Variants in MYO1D observed in about 807,000 individuals in gnomAD.
MYO1D encodes the protein myosin ID.
A neutral mutation model predicts 122.0 loss-of-function variants in MYO1D; 83 were observed. The ratio of observed to expected loss-of-function variants is 0.68; its 90% CI spans 0.57 to 0.82. The LOEUF is 0.82. Among genes scored for constraint, MYO1D ranks in the 40% least tolerant of loss-of-function variants. The pLI is 0.00. For synonymous variants in MYO1D, 464 were observed against 446.9 expected, an observed-to-expected ratio of 1.04 and a Z score of -0.48; for missense variants, 1,157 against 1,269.5, an observed-to-expected ratio of 0.91 and a Z score of 1.35.
At chr17:32,647,591 T>C (rs567994873) in intron 19 of MYO1D, among the ~76,000 whole-genome samples, 1 of 152,286 alleles carries the variant, frequency 6.6e-6, no homozygotes, top group East Asian at 1.9e-4. Context: ...ATTTTCCAGC[T>C]GCTTGATACT....
intron 16 of MYO1D, among the ~76,000 whole-genome samples, chr17:32,672,260 C>G (rs181472108): frequency 6.6e-6 from 1 of 152,152 alleles, no homozygotes; most frequent in Admixed American, 6.5e-5. Flanking sequence ...TGTATCTTAG[C>G]TCTGTCTGGC....
At chr17:32,813,922 A>G (rs1239000158) in intron 1 of MYO1D, among the ~76,000 whole-genome samples, 3 of 152,230 alleles carry the variant, frequency 2.0e-5, no homozygotes, top group African/African-American at 7.2e-5. Flanking sequence ...TGAATCAAGA[A>G]TAACTAGATT....
chr17:32,764,907 C>A lies in MYO1D; in HGVS notation c.1006G>T (p.Ala336Ser). ...GCAAAGGCGTCTCTGCCGTAGCTGGCCTCTTGTTCTGTGTGCTGCTTGTCA... is the reference window on the plus strand; with the variant it reads ...GCAAAGGCGTCTCTGCCGTAGCTGGACTCTTGTTCTGTGTGCTGCTTGTCA... Reference protein sequence around the residue: ...IIDKQHTEQEASYGRDAFAKA... With the variant: ...IIDKQHTEQESSYGRDAFAKA... Residue 336 changes from alanine to serine, a missense_variant, in exon 8 of 22, where the codon GCC becomes TCC. Ala to Ser is a moderately conservative substitution (Grantham distance 99, BLOSUM62 1). Transcript: ENST00000318217. The A allele has an allele frequency of 6.2e-7, 1 of 1,614,186 alleles. No individual in the cohort carries two copies. The highest frequency in any genetic ancestry group is 8.5e-7 in the Non-Finnish European group (1 of 1,180,030).
At chr17:32,684,673 C>T (rs1481957451) in intron 16 of MYO1D, among the ~76,000 whole-genome samples, 2 of 152,104 alleles carry the variant, frequency 1.3e-5, no homozygotes, top group Non-Finnish European at 2.9e-5. Flanking sequence ...AACTATGAAA[C>T]ATTCAAGGAA....
At chr17:32,510,928 T>A (rs1205570256) in intron 21 of MYO1D, 1 of 138,864 alleles carries the variant, frequency 7.2e-6, no homozygotes. Context: ...AGAACAAAAC[T>A]ATACCCACAG....
intron 2 of MYO1D, 34 bp downstream of exon 2, chr17:32,780,542 G>T: frequency 6.3e-7 from 1 of 1,594,434 alleles, no homozygotes; most frequent in South Asian, 1.1e-5. Flanking sequence ...AACACATTGT[G>T]ACTTTGGAAA....
intron 21 of MYO1D, among the ~76,000 whole-genome samples, chr17:32,567,038 C>A (rs763734487): frequency 2.0e-5 from 3 of 151,308 alleles, no homozygotes; most frequent in African/African-American, 7.3e-5. Context: ...GCAGATGATG[C>A]GGCTGCAGGC....
At chr17:32,568,440 C>T (rs936868414) in intron 21 of MYO1D, among the ~76,000 whole-genome samples, 10 of 152,200 alleles carry the variant, frequency 6.6e-5, no homozygotes, top group African/African-American at 2.4e-4. Flanking sequence ...CCTTTGCAAA[C>T]TGTTTTTCTC....
chr17:32,523,975 A>G (rs1010144829), intron 21 of MYO1D, among the ~76,000 whole-genome samples: 3 of 152,210 alleles, frequency 2.0e-5, no homozygotes, highest in African/African-American at 7.2e-5. Context: ...GTGAAGATCA[A>G]AAGATAATGA....
intron 21 of MYO1D, among the ~76,000 whole-genome samples, chr17:32,591,705 C>T (rs1462866776): frequency 1.3e-5 from 2 of 151,926 alleles, no homozygotes; most frequent in East Asian, 3.8e-4. Context: ...ATGGCATCAG[C>T]AAATTGGCCA....
chr17:32,832,696 A>G (rs2090783922), intron 1 of MYO1D, among the ~76,000 whole-genome samples: 1 of 152,238 alleles, frequency 6.6e-6, no homozygotes, highest in South Asian at 2.1e-4. Context: ...GTTCTGAGTA[A>G]AAGCAGCTGC....
intron 20 of MYO1D, among the ~76,000 whole-genome samples, chr17:32,630,561 T>C (rs2087990454): frequency 1.3e-5 from 2 of 152,126 alleles, no homozygotes; most frequent in South Asian, 4.1e-4. Context: ...AATTAAGATG[T>C]TGGTAGAGTT....
chr17:32,548,332 G>T (rs73276353), intron 21 of MYO1D, among the ~76,000 whole-genome samples: 1 of 152,040 alleles, frequency 6.6e-6, no homozygotes, highest in African/African-American at 2.4e-5. Flanking sequence ...GGAGGCTGAG[G>T]TGGGAGAATG....
intron 1 of MYO1D, among the ~76,000 whole-genome samples, chr17:32,846,712 A>C (rs1198833186): frequency 6.6e-6 from 1 of 152,196 alleles, no homozygotes; most frequent in African/African-American, 2.4e-5. Flanking sequence ...AGGAGTGATA[A>C]CTGATGCCTG....
At position 32,534,629 on chromosome 17, in the gene MYO1D, A is replaced by G. The variant is rs572341146; in HGVS notation, c.2865-39714T>C. Among the ~76,000 whole-genome samples, 20 of 152,342 alleles carry G rather than the reference A, an allele frequency of 1.3e-4. No homozygotes were observed. In the South Asian group the frequency reaches 3.9e-3, roughly 30 times the overall value. On this transcript the variant is annotated intron_variant, in intron 21 of 21. Coordinates refer to ENST00000318217, the MANE Select transcript of MYO1D (RefSeq NM_015194.3). ...ATCTAGAGGCTTATCAGTGAGTCCT[A>G]TAATAATCTGTTGCAAAGGGCGAAG...
Position 32,659,230 on chromosome 17 carries a change from C to T in MYO1D, c.2230G>A (p.Ala744Thr). 6.2e-7 allele frequency: 1 copy of T among 1,614,212 alleles called. No homozygotes were observed. The highest frequency in any genetic ancestry group is 8.5e-7 in the Non-Finnish European group (1 of 1,180,030). ...GTCTTGACGCCATGGAAGCGTCTGG[C>T]CACCTCGTGGATGTACGACTTCACT... ...YKVKSYIHEV[A>T]RRFHGVKTMR... Residue 744 changes from alanine to threonine, a missense_variant, in exon 17 of 22, where the codon GCC becomes ACC. Transcript: ENST00000318217.
Position 32,640,595 on chromosome 17 carries a change from G to A in MYO1D, c.2596-1760C>T, listed in dbSNP as rs565333460. Among the ~76,000 whole-genome samples, 52 of 148,190 alleles carry A rather than the reference G, an allele frequency of 3.5e-4. No individual in the cohort carries two copies. In the Middle Eastern group the frequency reaches 0.017, roughly 49 times the overall value. Reference sequence around the variant, plus strand: ...GTGGTGTTTGGTTTTTTGTTCTTGCGATAGTTTACTGAGAATGATGATTTC... The same window carrying A: ...GTGGTGTTTGGTTTTTTGTTCTTGCAATAGTTTACTGAGAATGATGATTTC... On this transcript the variant is annotated intron_variant, in intron 19 of 21. Transcript: ENST00000318217.
At chr17:32,652,006 T>C (rs1202468950) in intron 19 of MYO1D, among the ~76,000 whole-genome samples, 2 of 152,222 alleles carry the variant, frequency 1.3e-5, no homozygotes, top group Admixed American at 6.5e-5. Context: ...TGTATATTAC[T>C]GTGTACATAC....
intron 16 of MYO1D, among the ~76,000 whole-genome samples, chr17:32,698,888 C>T (rs2089208637): frequency 6.6e-6 from 1 of 152,042 alleles, no homozygotes; most frequent in Non-Finnish European, 1.5e-5. Flanking sequence ...AATATAAGAA[C>T]ATATAAATAA....
Sources: allele counts gnomAD v4.1 joint callset (sites outside exome capture counted in the v4.1 genomes callset), GRCh38; gene constraint gnomAD v4.1.1; transcripts MANE v1.5; gene names NCBI Gene and HGNC (gene_info 2026-07-23, HGNC 2026-07-21).